CTPS2: variants seen among roughly 807,000 people sequenced by gnomAD.
CTPS2 encodes CTP synthase II.
CTPS2 carries 19 observed loss-of-function variants against 46.8 expected under a neutral mutation model. That is an observed-to-expected ratio of 0.41 (90% CI 0.28 to 0.60). The LOEUF (loss-of-function observed/expected upper bound fraction) is 0.60, where lower values mean the gene tolerates loss of function less well. Among genes scored for constraint, CTPS2 ranks in the 20% least tolerant of loss-of-function variants. The pLI, the probability that CTPS2 is intolerant of heterozygous loss-of-function variation, is 0.35. For missense variants in CTPS2, 286 were observed against 447.6 expected, an observed-to-expected ratio of 0.64 and a Z score of 3.26; for synonymous variants, 151 against 165.2, an observed-to-expected ratio of 0.91 and a Z score of 0.66.
At chrX:16,598,990 C>T (rs958631198) in intron 17 of CTPS2, among the ~76,000 whole-genome samples, 8 of 111,820 alleles carry the variant, frequency 7.2e-5, no homozygotes, top group African/African-American at 2.6e-4. Context: ...CAGAAAAGGC[C>T]TTTGACAGAA....
intron 16 of CTPS2, among the ~76,000 whole-genome samples, chrX:16,610,741 T>C (rs1228345596): frequency 8.9e-6 from 1 of 112,249 alleles, no homozygotes; most frequent in Non-Finnish European, 1.9e-5. Context: ...CACATGCACT[T>C]ACATGTTCAT....
Position 16,667,527 on chromosome X carries a change from G to A in CTPS2, c.1283C>T (p.Ala428Val), listed in dbSNP as rs1199512153. The change falls in exon 13 of 19, where the codon GCC (alanine) becomes GTC (valine). Residue 428 changes from alanine (A) to valine (V), a missense_variant. Physicochemically the swap from Ala to Val is moderately conservative, Grantham distance 64. Coordinates refer to ENST00000359276, the MANE Select transcript of CTPS2 (RefSeq NM_175859.3). The part of the protein sequence containing the change: ...DADSTEFRPN[A>V]PVPLVIDMPE... ...CAAGCCACTTACCAGAGGAACTGGG[G>A]CATTTGGCCTAAACTCTGTGGAATC... The A allele has an allele frequency of 2.5e-6, 3 of 1,209,229 alleles. No individual in the cohort carries two copies. Among genetic ancestry groups the A allele is most frequent in the Admixed American group, 2.2e-5 (1 of 45,685 alleles).
intron 13 of CTPS2, among the ~76,000 whole-genome samples, chrX:16,643,135 G>A (rs1932157836): frequency 8.9e-6 from 1 of 112,071 alleles, no homozygotes; most frequent in African/African-American, 3.2e-5. Flanking sequence ...AAAGTGTAAT[G>A]AGTTCAAGAC....
In CTPS2 at chrX:16,644,800, C is replaced by A. The variant is rs143143736; in HGVS notation, c.1297-5557G>T. On this transcript the variant is annotated intron_variant, in intron 13 of 18. Coordinates refer to ENST00000359276, the MANE Select transcript of CTPS2 (RefSeq NM_175859.3). ...TTACAACAGCCATAGGAATCTAATACCGTTATTTACTACAAACAGCTTTAA... is the reference window on the plus strand; with the variant it reads ...TTACAACAGCCATAGGAATCTAATAACGTTATTTACTACAAACAGCTTTAA... Among the ~76,000 whole-genome samples the A allele has an allele frequency of 4.0e-3, 451 of 112,490 alleles. 2 individuals carry two copies. The highest frequency in any genetic ancestry group is 6.6e-3 in the Non-Finnish European group (352 of 53,302).
intron 17 of CTPS2, among the ~76,000 whole-genome samples, chrX:16,599,775 AC>A (rs10716191): frequency 0.3 from 27,725 of 91,329 alleles, 3,193 homozygotes; most frequent in African/African-American, 0.41. Context: ...CGCACCCGGC[AC>A]CCCCCCCCTT....
intron 1 of CTPS2, among the ~76,000 whole-genome samples, chrX:16,711,091 G>A (rs1284880476): frequency 8.9e-6 from 1 of 112,070 alleles, no homozygotes; most frequent in African/African-American, 3.2e-5. Flanking sequence ...ATAGCACAGT[G>A]TAGAGCTGTG....
chrX:16,608,704 A>G (rs1930113315), intron 17 of CTPS2, among the ~76,000 whole-genome samples: 1 of 111,829 alleles, frequency 8.9e-6, no homozygotes, highest in East Asian at 2.8e-4. Context: ...TAATAATGCT[A>G]TGAAAATGAA....
At chrX:16,640,042 G>A (rs1193289092) in intron 13 of CTPS2, among the ~76,000 whole-genome samples, 1 of 110,905 alleles carries the variant, frequency 9.0e-6, no homozygotes, top group Non-Finnish European at 1.9e-5. Flanking sequence ...CTCACTGACT[G>A]GCCACTCAAC....
At chrX:16,669,397 A>G (rs1921528816) in intron 11 of CTPS2, among the ~76,000 whole-genome samples, 1 of 101,414 alleles carries the variant, frequency 9.9e-6, no homozygotes, top group South Asian at 5.6e-4. Context: ...AGAAGTCAAT[A>G]AGCAGGAAAC....
intron 14 of CTPS2, among the ~76,000 whole-genome samples, chrX:16,635,351 T>C (rs943742937): frequency 2.7e-5 from 3 of 111,057 alleles, no homozygotes; most frequent in African/African-American, 9.8e-5. Flanking sequence ...AAAAGAAATA[T>C]GTTGACTAGG....
intron 13 of CTPS2, among the ~76,000 whole-genome samples, chrX:16,656,582 C>T (rs1205340863): frequency 9.0e-6 from 1 of 110,597 alleles, no homozygotes; most frequent in Non-Finnish European, 1.9e-5. Flanking sequence ...GCTAATTTTT[C>T]TTTTTGTGTT....
intron 13 of CTPS2, among the ~76,000 whole-genome samples, chrX:16,661,112 C>A (rs1463737104): frequency 1.2e-4 from 13 of 111,107 alleles, no homozygotes; most frequent in Admixed American, 1.2e-3. Flanking sequence ...GCACCCACTA[C>A]CACGCTCAGC....
chrX:16,646,068 A>G (rs1381372724), intron 13 of CTPS2, among the ~76,000 whole-genome samples: 2 of 113,091 alleles, frequency 1.8e-5, no homozygotes. Flanking sequence ...ACAAAGGCCT[A>G]TATCATTTTC....
intron 10 of CTPS2, among the ~76,000 whole-genome samples, chrX:16,677,898 C>T (rs1259692708): frequency 3.6e-5 from 4 of 111,782 alleles, no homozygotes; most frequent in Non-Finnish European, 5.6e-5. Context: ...AAGAAATAAC[C>T]ATAAAAGGGG....
intron 17 of CTPS2, among the ~76,000 whole-genome samples, chrX:16,591,661 G>A (rs1438871900): frequency 6.3e-5 from 7 of 111,068 alleles, no homozygotes; most frequent in Admixed American, 4.8e-4. Context: ...TGCATGAAGC[G>A]GAAGGAATTT....
chrX:16,590,119 A>G (rs1301926094), intron 18 of CTPS2, among the ~76,000 whole-genome samples: 1 of 112,834 alleles, frequency 8.9e-6, no homozygotes, highest in African/African-American at 3.2e-5. Flanking sequence ...CTAATAGTGC[A>G]TAATAGAGCA....
intron 1 of CTPS2, among the ~76,000 whole-genome samples, chrX:16,710,065 A>C (rs1197516214): frequency 1.8e-5 from 2 of 109,336 alleles, no homozygotes; most frequent in Non-Finnish European, 3.8e-5. Context: ...AGTCATAGAA[A>C]CTAGAACCCT....
chrX:16,604,865 C>T (rs926451081), intron 17 of CTPS2, among the ~76,000 whole-genome samples: 1 of 112,174 alleles, frequency 8.9e-6, no homozygotes, highest in African/African-American at 3.2e-5. Flanking sequence ...TGTTTAGACA[C>T]CAGAGGAGAG....
At chrX:16,624,075 G>A (rs1930996109) in intron 14 of CTPS2, among the ~76,000 whole-genome samples, 1 of 110,097 alleles carries the variant, frequency 9.1e-6, no homozygotes, top group South Asian at 3.8e-4. Flanking sequence ...ACAGGCGTGA[G>A]CCACCGCGCC....
Sources: allele counts gnomAD v4.1 joint callset (sites outside exome capture counted in the v4.1 genomes callset), GRCh38; gene constraint gnomAD v4.1.1; transcripts MANE v1.5; gene names NCBI Gene and HGNC (gene_info 2026-07-23, HGNC 2026-07-21).